The following SMC2 variants were observed in gnomAD, a reference collection of about 807,000 sequenced individuals.
SMC2 encodes structural maintenance of chromosomes 2, also known as structural maintenance of chromosomes protein 2.
A neutral mutation model predicts 142.6 loss-of-function variants in SMC2; 41 were observed. That is an observed-to-expected ratio of 0.29 (90% CI 0.22 to 0.37). The LOEUF (loss-of-function observed/expected upper bound fraction) is 0.37, where lower values mean the gene tolerates loss of function less well. SMC2 is among the 10% of genes least tolerant of loss of function. The probability of loss-of-function intolerance (pLI) is 1.00; values close to 1 mark genes in which losing one functional copy is unlikely to be tolerated. For missense variants in SMC2, 1,265 were observed against 1,373.7 expected (o/e 0.92, Z 1.25); for synonymous variants, 463 against 457.5 (o/e 1.01, Z -0.15).
In SMC2 at chr9:104,132,066, A is replaced by T. The variant is rs1835036300; in HGVS notation, c.3049A>T (p.Thr1017Ser). 1 of 1,603,562 alleles carries T rather than the reference A, an allele frequency of 6.2e-7. No homozygotes were observed. Among genetic ancestry groups the T allele is most frequent in the African/African-American group, 1.3e-5 (1 of 74,350 alleles). The change falls in exon 22 of 25, where the codon ACA becomes TCA. Residue 1017 changes from threonine to serine, a missense_variant. This residue lies in a region of SMC2 where 192 missense variants were observed against 261.9 expected (regional missense o/e 0.73). Transcript: ENST00000374793. ...IVENDKSKILTTIEDLDQKKN... is the reference protein window; with the variant it reads ...IVENDKSKILSTIEDLDQKKN... ...AGAAAATGACAAATCCAAAATTCTT[A>T]CAACTATAGAAGACCTTGACCAGAA... is the stretch of plus-strand genomic sequence containing the variant.
intron 16 of SMC2, among the ~76,000 whole-genome samples, chr9:104,121,175 G>A (rs1833688663): frequency 6.6e-6 from 1 of 152,174 alleles, no homozygotes; most frequent in African/African-American, 2.4e-5. Flanking sequence ...AGTTAAAAGA[G>A]CTACAAACTT....
chr9:104,124,879 A>G (rs1218874991), intron 17 of SMC2, 33 bp from the exon 18 acceptor site: 1 of 1,527,654 alleles, frequency 6.5e-7, no homozygotes, highest in Non-Finnish European at 8.8e-7. Flanking sequence ...TACCATTGTT[A>G]ACTTAGCCAC....
rs1385998041 is a variant in SMC2 at position 104,134,550 on chromosome 9, C to G, written c.3244C>G (p.Leu1082Val). 3.1e-6 allele frequency: 5 copies of G among 1,609,446 alleles called. No individual in the cohort carries two copies. The highest frequency in any genetic ancestry group is 4.2e-6 in the Non-Finnish European group (5 of 1,177,712). ...CTTGGGAAATACCTGGAAAGAAAAC[C>G]TAACTGAACTTAGTGGTGGTCAGAG... Reference protein sequence around the residue: ...VALGNTWKENLTELSGGQRSL... With the variant: ...VALGNTWKENVTELSGGQRSL... Residue 1082 changes from leucine to valine, a missense_variant, in exon 23 of 25, where the codon CTA becomes GTA. Leu to Val is a conservative substitution (Grantham distance 32). Around this residue, in one of 4 missense-constraint regions of SMC2, gnomAD observed 192 missense variants for 261.9 expected, o/e 0.73. Coordinates refer to ENST00000374793, the MANE Select transcript of SMC2 (RefSeq NM_006444.3).
intron 11 of SMC2, 112 bp downstream of exon 11, chr9:104,113,587 C>T (rs1200785719): frequency 1.2e-6 from 1 of 805,376 alleles, no homozygotes; most frequent in African/African-American, 1.8e-5. Context: ...AGCCTATTAA[C>T]AAGCATTAGT....
At chr9:104,123,389 C>G in intron 17 of SMC2, 157 bp downstream of exon 17, 1 of 541,236 alleles carries the variant, frequency 1.8e-6, no homozygotes, top group Non-Finnish European at 2.9e-6. Flanking sequence ...AGGGTATGGT[C>G]ATTTTCATCT....
chr9:104,139,088 T>C, intron 24 of SMC2, 51 bp from the exon 25 acceptor site: 2 of 1,307,380 alleles, frequency 1.5e-6, no homozygotes, highest in South Asian at 3.0e-5. Flanking sequence ...AGGAGTAAAC[T>C]TCAAGTATAT....
Position 104,099,719 on chromosome 9 carries a change from T to C in SMC2, c.480+37T>C, listed in dbSNP as rs936016736. ...ATTTATGGACATTAAAAATAGTTGG[T>C]ATAGATATTACTTTAATCTTTCAGA... On this transcript the variant is annotated intron_variant, in intron 5 of 24. Coordinates refer to ENST00000374793, the MANE Select transcript of SMC2 (RefSeq NM_006444.3). 6 of 1,219,146 alleles carry C rather than the reference T, an allele frequency of 4.9e-6. No individual in the cohort carries two copies. In the African/African-American group the frequency reaches 9.0e-5, roughly 18 times the overall value. 75.5% of individuals were successfully genotyped at this position (1,219,146 alleles called of 1,614,324 possible).
At chr9:104,127,552 C>T (rs2131510374) in intron 20 of SMC2, 72 bp downstream of exon 20, 1 of 1,177,840 alleles carries the variant, frequency 8.5e-7, no homozygotes, top group East Asian at 2.5e-5. Flanking sequence ...ATTTAGAAAA[C>T]TGCTTGATAG....
chr9:104,111,229 C>G (rs987657242), intron 9 of SMC2, among the ~76,000 whole-genome samples: 1 of 152,120 alleles, frequency 6.6e-6, no homozygotes, highest in African/African-American at 2.4e-5. Flanking sequence ...TCTAAAATCT[C>G]TACTTTTAAG....
At chr9:104,137,696 C>G (rs1314264667) in intron 23 of SMC2, among the ~76,000 whole-genome samples, 1 of 152,022 alleles carries the variant, frequency 6.6e-6, no homozygotes, top group African/African-American at 2.4e-5. Flanking sequence ...CTCTAATGAG[C>G]CAACTGGGGA....
chr9:104,111,854 C>A, intron 10 of SMC2, 40 bp downstream of exon 10: 1 of 1,386,040 alleles, frequency 7.2e-7, no homozygotes, highest in Non-Finnish European at 9.9e-7. Flanking sequence ...GCTTTTTTTT[C>A]CAAGAAGTTT....
intron 10 of SMC2, among the ~76,000 whole-genome samples, chr9:104,112,098 T>G (rs2131383058): frequency 6.6e-6 from 1 of 152,326 alleles, no homozygotes; most frequent in East Asian, 1.9e-4. Flanking sequence ...TTGTGTGGAA[T>G]TTTCGAGATT....
At chr9:104,108,555 G>A (rs530348654) in intron 9 of SMC2, among the ~76,000 whole-genome samples, 3 of 152,194 alleles carry the variant, frequency 2.0e-5, no homozygotes, top group East Asian at 3.9e-4. Context: ...CCCACTTCCC[G>A]AGCTCTCTGG....
At chr9:104,102,247 TTATATA>T in intron 8 of SMC2, 54 bp downstream of exon 8, 1 of 1,136,586 alleles carries the variant, frequency 8.8e-7, no homozygotes, top group Non-Finnish European at 1.3e-6. Flanking sequence ...ACGTACTAAA[TTATATA>T]TAGTAACTAT....
Position 104,113,396 on chromosome 9 carries a change from G to C in SMC2, c.1335G>C (p.Arg445Ser). 6.2e-7 allele frequency: 1 copy of C among 1,612,080 alleles called. No individual in the cohort carries two copies. The change falls in exon 11 of 25, where the codon AGG becomes AGC. Residue 445 changes from arginine to serine, a missense_variant. Arg to Ser is a moderately radical substitution (Grantham distance 110). Coordinates refer to ENST00000374793, the MANE Select transcript of SMC2 (RefSeq NM_006444.3). ...AEVKKMDSGY[R>S]KDQEALEAVK... ...TTAAGAAGATGGATAGTGGCTACAG[G>C]AAGGATCAAGAAGCTCTAGAAGCTG...
At chr9:104,110,870 TTTTG>T (rs1353740929) in intron 9 of SMC2, among the ~76,000 whole-genome samples, 2 of 152,248 alleles carry the variant, frequency 1.3e-5, no homozygotes, top group African/African-American at 4.8e-5. Flanking sequence ...CCCAACCTTG[TTTTG>T]TTTGATTACT....
intron 9 of SMC2, among the ~76,000 whole-genome samples, chr9:104,110,856 A>G (rs1832358706): frequency 6.6e-6 from 1 of 152,158 alleles, no homozygotes. Flanking sequence ...CTATCACTCT[A>G]TTCCCCAACC....
chr9:104,111,406 A>C (rs1046273083), intron 9 of SMC2, among the ~76,000 whole-genome samples, 175 bp from the exon 10 acceptor site: 1 of 152,186 alleles, frequency 6.6e-6, no homozygotes, highest in African/African-American at 2.4e-5. Context: ...TATTCTAAAA[A>C]CTGAGAGTGA....
the SMC2 span, among the ~76,000 whole-genome samples, chr9:104,088,836 C>G: frequency 6.2e-4 from 95 of 152,244 alleles, no homozygotes; most frequent in Admixed American, 1.8e-3. Flanking sequence ...TCTTATTCAT[C>G]TTTGTATCCC....
Sources: gnomAD v4.1 joint callset for allele counts (sites outside exome capture counted in the v4.1 genomes callset) on GRCh38, gnomAD v4.1.1 for gene constraint, gnomAD v4.1.1 regional missense constraint, MANE v1.5 for transcripts, NCBI Gene and HGNC (gene_info 2026-07-23, HGNC 2026-07-21) for gene names.